SMG6: variants seen among roughly 807,000 people sequenced by gnomAD.
The protein encoded by SMG6 is SMG6 nonsense mediated mRNA decay factor.
In SMG6, 66 loss-of-function variants were observed where a neutral mutation model predicts 142.2. The ratio of observed to expected loss-of-function variants is 0.46; its 90% CI spans 0.38 to 0.57. The LOEUF (loss-of-function observed/expected upper bound fraction) is 0.57. Among genes scored for constraint, SMG6 ranks in the 20% least tolerant of loss-of-function variants. SMG6 has a pLI of 0.00. For missense variants in SMG6, 1,793 were observed against 1,832.0 expected (o/e 0.98, Z 0.39); for synonymous variants, 779 against 702.4 (o/e 1.11, Z -1.72).
intron 16 of SMG6, among the ~76,000 whole-genome samples, chr17:2,066,285 T>G (rs1479539920): frequency 6.9e-6 from 1 of 143,968 alleles, no homozygotes; most frequent in Admixed American, 6.8e-5. Flanking sequence ...TGTGCGTGTA[T>G]GTGTCTGTGT....
intron 13 of SMG6, among the ~76,000 whole-genome samples, chr17:2,144,245 G>A (rs2070588813): frequency 6.6e-6 from 1 of 151,904 alleles, no homozygotes; most frequent in Non-Finnish European, 1.5e-5. Flanking sequence ...TTTCAGTAGA[G>A]ACGGGGTTTC....
At position 2,092,767 on chromosome 17, in the gene SMG6, T is replaced by C. The variant is rs114803402; in HGVS notation, c.3358-6866A>G. Among the ~76,000 whole-genome samples, 914 of 152,086 alleles carry C rather than the reference T, an allele frequency of 6.0e-3. 6 individuals are homozygous for C. Among genetic ancestry groups the C allele is most frequent in the African/African-American group, 0.021 (873 of 41,484 alleles). On this transcript the variant is annotated intron_variant, in intron 13 of 18. Transcript: ENST00000263073. ...AGGCAAGACAAGGCAATACAGGAGG[T>C]TGGACAAGAGCCTGGGCTTCATAGT...
intron 13 of SMG6, among the ~76,000 whole-genome samples, chr17:2,092,272 G>A (rs921644397): frequency 6.6e-6 from 1 of 152,136 alleles, no homozygotes; most frequent in African/African-American, 2.4e-5. Context: ...CCGGTGTCCA[G>A]ATCCAACCCT....
intron 10 of SMG6, among the ~76,000 whole-genome samples, chr17:2,226,890 T>A (rs1236214211): frequency 6.6e-6 from 1 of 151,642 alleles, no homozygotes; most frequent in Non-Finnish European, 1.5e-5. Context: ...GACGGCAGAG[T>A]GAGACTCCAC....
intron 13 of SMG6, chr17:2,127,895 C>T (rs563920738): frequency 1.6e-4 from 92 of 565,544 alleles, no homozygotes; most frequent in Non-Finnish European, 2.1e-4. Flanking sequence ...TCTTTGTAGA[C>T]GATGTCCACG....
chr17:2,254,014 G>A (rs1285204929), intron 8 of SMG6, among the ~76,000 whole-genome samples: 2 of 152,234 alleles, frequency 1.3e-5, no homozygotes, highest in East Asian at 3.8e-4. Context: ...ATGCTGTGGT[G>A]TGACAATCTG....
intron 6 of SMG6, 113 bp from the exon 7 acceptor site, chr17:2,283,848 A>G (rs2074845733): frequency 1.4e-6 from 1 of 727,748 alleles, no homozygotes; most frequent in African/African-American, 1.8e-5. Flanking sequence ...CCAAACTGAG[A>G]GGAATCCCAA....
intron 13 of SMG6, among the ~76,000 whole-genome samples, chr17:2,104,974 T>C (rs934778498): frequency 6.6e-6 from 1 of 151,978 alleles, no homozygotes; most frequent in Non-Finnish European, 1.5e-5. Flanking sequence ...CTGAGTGCAA[T>C]GGTGTGATCT....
intron 9 of SMG6, 64 bp from the exon 10 acceptor site, chr17:2,236,701 TCACACACACA>T (rs71150853): frequency 0.053 from 50,424 of 955,318 alleles, 1,171 homozygotes; most frequent in African/African-American, 0.09. Flanking sequence ...TCACTCTGTC[TCACACACACA>T]CACACACACA....
intron 8 of SMG6, among the ~76,000 whole-genome samples, chr17:2,251,300 A>C (rs1461833549): frequency 6.6e-6 from 1 of 151,874 alleles, no homozygotes; most frequent in Non-Finnish European, 1.5e-5. Flanking sequence ...AAAACCAAAT[A>C]GCGTGACTCA....
At chr17:2,295,596 A>G (rs1284924582) in intron 4 of SMG6, among the ~76,000 whole-genome samples, 1 of 152,084 alleles carries the variant, frequency 6.6e-6, no homozygotes, top group Non-Finnish European at 1.5e-5. Context: ...TGACAGCTCC[A>G]TTGCACTTGA....
chr17:2,150,796 A>G (rs2070803538), intron 13 of SMG6, among the ~76,000 whole-genome samples: 1 of 152,186 alleles, frequency 6.6e-6, no homozygotes, highest in Non-Finnish European at 1.5e-5. Flanking sequence ...TGGTCTAATT[A>G]GGATACTTGA....
intron 13 of SMG6, among the ~76,000 whole-genome samples, chr17:2,100,212 A>G (rs1307436083): frequency 6.6e-6 from 1 of 151,912 alleles, no homozygotes; most frequent in Non-Finnish European, 1.5e-5. Flanking sequence ...TAGTTTTTGT[A>G]TTTTTTGTAG....
At chr17:2,165,269 A>C (rs2071300982) in intron 13 of SMG6, among the ~76,000 whole-genome samples, 1 of 145,508 alleles carries the variant, frequency 6.9e-6, no homozygotes, top group Non-Finnish European at 1.5e-5. Context: ...AGTATCATTT[A>C]TATGAAAGAG....
intron 13 of SMG6, among the ~76,000 whole-genome samples, chr17:2,091,867 A>G (rs866543056): frequency 6.7e-6 from 1 of 150,258 alleles, no homozygotes; most frequent in African/African-American, 2.4e-5. Flanking sequence ...TTTTTTTAGT[A>G]GAGACGAGGT....
intron 8 of SMG6, among the ~76,000 whole-genome samples, chr17:2,276,616 C>A (rs1421472139): frequency 6.6e-6 from 1 of 152,118 alleles, no homozygotes; most frequent in Admixed American, 6.6e-5. Context: ...GAACTTCCAA[C>A]CTCAGGTGAT....
At chr17:2,091,873 G>A (rs536700945) in intron 13 of SMG6, among the ~76,000 whole-genome samples, 3,952 of 150,902 alleles carry the variant, frequency 0.026, 157 homozygotes, top group African/African-American at 0.083. Context: ...TAGTAGAGAC[G>A]AGGTTTCACC....
At chr17:2,214,350 A>C in intron 10 of SMG6, 3 of 115,214 alleles carry the variant, frequency 2.6e-5, no homozygotes, top group Non-Finnish European at 3.7e-5. Context: ...TACCTACCCC[A>C]CTCTCAATCC....
intron 13 of SMG6, among the ~76,000 whole-genome samples, chr17:2,108,609 C>A (rs2069219880): frequency 6.6e-6 from 1 of 152,050 alleles, no homozygotes; most frequent in Non-Finnish European, 1.5e-5. Context: ...CCAGCCTGGG[C>A]CACAAAGCGA....
Sources: gnomAD v4.1 joint callset for allele counts (sites outside exome capture counted in the v4.1 genomes callset) on GRCh38, gnomAD v4.1.1 for gene constraint, MANE v1.5 for transcripts, NCBI Gene and HGNC (gene_info 2026-07-23, HGNC 2026-07-21) for gene names.